The following UBE2E2 variants were observed in gnomAD, a reference collection of about 807,000 sequenced individuals.
UBE2E2 encodes ubiquitin conjugating enzyme E2 E2, also known as ubiquitin-conjugating enzyme E2 E2.
UBE2E2 carries 6 observed loss-of-function variants against 24.7 expected under a neutral mutation model. That is an observed-to-expected ratio of 0.24 (90% confidence interval 0.13 to 0.48). UBE2E2 has a LOEUF of 0.48. UBE2E2 is among the 20% of genes least tolerant of loss of function. UBE2E2 has a pLI of 0.99. For missense variants in UBE2E2, 169 were observed against 245.0 expected (o/e 0.69, Z 2.07); for synonymous variants, 104 against 83.6 (o/e 1.24, Z -1.33).
At chr3:23,528,516 C>G (rs1227770918) in intron 4 of UBE2E2, among the ~76,000 whole-genome samples, 1 of 152,084 alleles carries the variant, frequency 6.6e-6, no homozygotes, top group Non-Finnish European at 1.5e-5. Context: ...CTTGAAGTTC[C>G]TGCCTCTTTC....
At chr3:23,417,873 T>C (rs1293127411) in intron 3 of UBE2E2, among the ~76,000 whole-genome samples, 1 of 152,184 alleles carries the variant, frequency 6.6e-6, no homozygotes, top group African/African-American at 2.4e-5. Flanking sequence ...AAAAACCACC[T>C]ACTAAAGCCT....
chr3:23,575,629 AC>A (rs1440074711), intron 5 of UBE2E2, among the ~76,000 whole-genome samples: 82 of 152,282 alleles, frequency 5.4e-4, no homozygotes, highest in African/African-American at 1.9e-3. Context: ...TGGAAAAAAA[AC>A]AAAAAAGCTG....
At chr3:23,414,449 C>G (rs750756678) in intron 3 of UBE2E2, among the ~76,000 whole-genome samples, 1 of 152,150 alleles carries the variant, frequency 6.6e-6, no homozygotes, top group Non-Finnish European at 1.5e-5. Context: ...GGTGGTAAAC[C>G]GTTCATGAAG....
chr3:23,224,110 G>A (rs1696743781), intron 3 of UBE2E2, among the ~76,000 whole-genome samples: 1 of 145,848 alleles, frequency 6.9e-6, no homozygotes, highest in African/African-American at 2.5e-5. Context: ...TTTTGCTCAG[G>A]ATTGCTTTGG....
At chr3:23,403,898 A>T (rs1697290550) in intron 3 of UBE2E2, among the ~76,000 whole-genome samples, 1 of 151,950 alleles carries the variant, frequency 6.6e-6, no homozygotes. Flanking sequence ...TCAATCCAAG[A>T]TGAAGAATTA....
intron 4 of UBE2E2, among the ~76,000 whole-genome samples, chr3:23,511,239 C>T (rs1047476373): frequency 2.0e-5 from 3 of 152,214 alleles, no homozygotes; most frequent in African/African-American, 4.8e-5. Flanking sequence ...ATAGCAATCT[C>T]CCCTGTCCCT....
chr3:23,301,813 G>C (rs534621831), intron 3 of UBE2E2, among the ~76,000 whole-genome samples: 1 of 143,756 alleles, frequency 7.0e-6, no homozygotes, highest in Admixed American at 6.7e-5. Context: ...TCAAAGCTCA[G>C]TTGGAAATGC....
intron 5 of UBE2E2, among the ~76,000 whole-genome samples, chr3:23,573,877 G>A (rs958059095): frequency 6.6e-6 from 1 of 152,178 alleles, no homozygotes; most frequent in East Asian, 1.9e-4. Flanking sequence ...AGTAACAAAA[G>A]GGTAAAGTCT....
intron 3 of UBE2E2, among the ~76,000 whole-genome samples, chr3:23,379,447 A>T (rs958350629): frequency 7.7e-6 from 1 of 129,702 alleles, no homozygotes; most frequent in Admixed American, 9.6e-5. Context: ...TCCTGTGTCC[A>T]TGTGATCTCA....
intron 3 of UBE2E2, among the ~76,000 whole-genome samples, chr3:23,452,724 G>A (rs945146534): frequency 1.3e-5 from 2 of 152,168 alleles, no homozygotes; most frequent in Non-Finnish European, 2.9e-5. Context: ...ACATTTTAAT[G>A]TTATCATTCT....
chr3:23,462,900 T>G (rs568378909), intron 3 of UBE2E2, among the ~76,000 whole-genome samples: 16 of 152,252 alleles, frequency 1.1e-4, no homozygotes, highest in African/African-American at 3.9e-4. Context: ...TTTCCTTGTC[T>G]GTAAAATTCG....
At chr3:23,523,394 T>C (rs1322111829) in intron 4 of UBE2E2, among the ~76,000 whole-genome samples, 2 of 152,238 alleles carry the variant, frequency 1.3e-5, no homozygotes, top group African/African-American at 4.8e-5. Context: ...AAAGACTTTT[T>C]TCAATTTAAA....
intron 3 of UBE2E2, among the ~76,000 whole-genome samples, chr3:23,308,294 A>G (rs1473149427): frequency 6.6e-6 from 1 of 152,148 alleles, no homozygotes; most frequent in Non-Finnish European, 1.5e-5. Context: ...ATAAGCCCCT[A>G]TGTAGTTTTT....
intron 3 of UBE2E2, among the ~76,000 whole-genome samples, chr3:23,379,853 G>A (rs1164507922): frequency 6.6e-6 from 1 of 152,224 alleles, no homozygotes; most frequent in East Asian, 1.9e-4. Context: ...GGGCAGAAAG[G>A]AGTTTGGTCC....
chr3:23,533,077 A>G (rs1695162368), intron 5 of UBE2E2, among the ~76,000 whole-genome samples: 1 of 152,198 alleles, frequency 6.6e-6, no homozygotes, highest in African/African-American at 2.4e-5. Context: ...TGGGCTATTA[A>G]AATCTGATAA....
intron 5 of UBE2E2, among the ~76,000 whole-genome samples, chr3:23,569,330 G>C (rs1302409897): frequency 6.6e-6 from 1 of 152,176 alleles, no homozygotes. Context: ...TGGTGGATTT[G>C]CCAGCGGGGA....
At chr3:23,423,372 T>C (rs946111517) in intron 3 of UBE2E2, among the ~76,000 whole-genome samples, 3 of 152,222 alleles carry the variant, frequency 2.0e-5, no homozygotes, top group Non-Finnish European at 2.9e-5. Flanking sequence ...TTATTATTTA[T>C]CTTGATACTA....
chr3:23,259,115 G>A (rs1050747815), intron 3 of UBE2E2, among the ~76,000 whole-genome samples: 2 of 152,034 alleles, frequency 1.3e-5, no homozygotes, highest in African/African-American at 4.8e-5. Flanking sequence ...TCACTTTAGG[G>A]TATGGAAAAG....
At chr3:23,558,543 TCAG>T (rs1381847320) in intron 5 of UBE2E2, among the ~76,000 whole-genome samples, 2 of 134,766 alleles carry the variant, frequency 1.5e-5, no homozygotes, top group African/African-American at 5.7e-5. Context: ...TACCAACTTA[TCAG>T]CAGATTTTTT....
Sources: gnomAD v4.1 joint callset for allele counts (sites outside exome capture counted in the v4.1 genomes callset) on GRCh38, gnomAD v4.1.1 for gene constraint, MANE v1.5 for transcripts, NCBI Gene and HGNC (gene_info 2026-07-23, HGNC 2026-07-21) for gene names.